OTOP2: variants seen among roughly 807,000 people sequenced by gnomAD.
OTOP2 encodes proton channel OTOP2.
In OTOP2, 41 loss-of-function variants were observed where a neutral mutation model predicts 47.4. The observed-to-expected ratio is 0.87, with a 90% CI of 0.67 to 1.12. The LOEUF (loss-of-function observed/expected upper bound fraction) is 1.12, where lower values mean the gene tolerates loss of function less well. OTOP2 is among the 50% of genes most tolerant of loss of function. The pLI is 0.00. For synonymous variants in OTOP2, 328 were observed against 319.6 expected, an observed-to-expected ratio of 1.03 and a Z score of -0.28; for missense variants, 721 against 752.2, an observed-to-expected ratio of 0.96 and a Z score of 0.49.
chr17:74,925,960 G>A (rs539942431), intron 3 of OTOP2, among the ~76,000 whole-genome samples: 2 of 152,342 alleles, frequency 1.3e-5, no homozygotes, highest in African/African-American at 4.8e-5. Flanking sequence ...CCTAGGAGGT[G>A]TGAGTTGTGC....
chr17:74,927,054 C>T (rs531557363), intron 3 of OTOP2, among the ~76,000 whole-genome samples, 169 bp from the exon 4 acceptor site: 1 of 152,314 alleles, frequency 6.6e-6, no homozygotes, highest in Admixed American at 6.5e-5. Context: ...GGATTACAGG[C>T]GTGAGCCACT....
chr17:74,927,638 T>C (rs376553258), intron 4 of OTOP2, 27 bp from the exon 5 acceptor site: 1 of 1,600,832 alleles, frequency 6.2e-7, no homozygotes, highest in Non-Finnish European at 8.5e-7. Flanking sequence ...CACAGGCCTC[T>C]TTGTCCCCAC....
chr17:74,927,451 T>C (rs1292041476), intron 4 of OTOP2, 170 bp downstream of exon 4: 1 of 1,029,804 alleles, frequency 9.7e-7, no homozygotes, highest in African/African-American at 1.6e-5. Context: ...TGGGGCCCTT[T>C]CTCCCAGGGG....
intron 5 of OTOP2, among the ~76,000 whole-genome samples, chr17:74,929,646 A>G (rs1390972643): frequency 1.3e-5 from 2 of 151,956 alleles, no homozygotes; most frequent in Admixed American, 1.3e-4. Flanking sequence ...GGCTGGCCTC[A>G]AACTCCTGAC....
At position 74,924,880 on chromosome 17, in the gene OTOP2, G is replaced by A. The variant is rs1378042229; in HGVS notation, c.248G>A (p.Arg83Gln). 1.2e-6 allele frequency: 2 copies of A among 1,600,864 alleles called. No homozygotes were observed. Among genetic ancestry groups the A allele is most frequent in the Admixed American group, 1.7e-5 (1 of 57,748 alleles). ...ATLWILFYLLRTVRCPCAVPY... is the reference protein window; with the variant it reads ...ATLWILFYLLQTVRCPCAVPY... The stretch of plus-strand genomic sequence containing the variant: ...CTCTGGATCCTCTTCTACCTCCTCC[G>A]AACCGTGCGCTGCCCCTGCGCGGTA... Residue 83 changes from arginine to glutamine, a missense_variant, in exon 2 of 7, where the codon CGA becomes CAA. Transcript: ENST00000331427. The surrounding 1 kb of genome is among the most constrained non-coding windows in gnomAD (Gnocchi z 7.7).
chr17:74,932,871 C>G (rs557453463), intron 6 of OTOP2, among the ~76,000 whole-genome samples: 1 of 152,240 alleles, frequency 6.6e-6, no homozygotes, highest in African/African-American at 2.4e-5. Context: ...CACTTCCTCC[C>G]ACTCCTGGAA....
Position 74,930,450 on chromosome 17 carries a change from C to G in OTOP2, c.815C>G (p.Thr272Ser). 1 of 1,614,214 alleles carries G rather than the reference C, an allele frequency of 6.2e-7. No individual in the cohort carries two copies. The highest frequency in any genetic ancestry group is 8.5e-7 in the Non-Finnish European group (1 of 1,180,030). ...WKNVGRFLASTPGHSHTPTPV... is the reference protein window; with the variant it reads ...WKNVGRFLASSPGHSHTPTPV... ...AATGTGGGTAGATTCCTGGCCTCCACCCCTGGCCACAGCCACACCCCAACC... is the reference window on the plus strand; with the variant it reads ...AATGTGGGTAGATTCCTGGCCTCCAGCCCTGGCCACAGCCACACCCCAACC... Residue 272 changes from threonine to serine, a missense_variant, in exon 6 of 7, where the codon ACC (threonine) becomes AGC (serine). Coordinates refer to ENST00000331427, the MANE Select transcript of OTOP2 (RefSeq NM_178160.3). This position sits in a 1 kb window ranked among gnomAD's most constrained non-coding sequence, Gnocchi z 4.0.
chr17:74,924,998 C>G lies in OTOP2; in HGVS notation c.313+53C>G. On this transcript the variant is annotated intron_variant, in intron 2 of 6. Transcript: ENST00000331427. The surrounding 1 kb of genome is among the most constrained non-coding windows in gnomAD (Gnocchi z 7.7). Reference sequence around the variant, plus strand: ...GGTGGGCACAACAGGGAGCTGCAGGCTAGGGCTCTCGCAGGAGTTGCAGAG... The same window carrying G: ...GGTGGGCACAACAGGGAGCTGCAGGGTAGGGCTCTCGCAGGAGTTGCAGAG... The G allele has an allele frequency of 6.7e-7, 1 of 1,487,290 alleles. No individual in the cohort carries two copies. 92.1% of individuals were successfully genotyped at this position (1,487,290 alleles called of 1,614,324 possible). A position where few individuals can be genotyped will look rare whatever the true frequency, so the allele number is the denominator to read the frequency against.
rs1245404504 is a variant in OTOP2 at position 74,925,586 on chromosome 17, T to C, written c.344T>C (p.Leu115Pro). The C allele has an allele frequency of 8.1e-6, 13 of 1,614,126 alleles. No homozygotes were observed. Among genetic ancestry groups the C allele is most frequent in the Non-Finnish European group, 1.1e-5 (13 of 1,180,018 alleles). Reference protein sequence around the residue: ...GGLVLFGICTLIMDVFKTGYY... With the variant: ...GGLVLFGICTPIMDVFKTGYY... Reference sequence around the variant, plus strand: ...CTGGTGCTGTTTGGAATCTGCACCCTCATCATGGATGTCTTCAAGACCGGC... The same window carrying C: ...CTGGTGCTGTTTGGAATCTGCACCCCCATCATGGATGTCTTCAAGACCGGC... The change falls in exon 3 of 7, where the codon CTC becomes CCC. Residue 115 changes from leucine to proline, a missense_variant. Transcript: ENST00000331427.
At position 74,930,864 on chromosome 17, in the gene OTOP2, T is replaced by C. The variant is rs2144768393; in HGVS notation, c.1229T>C (p.Met410Thr). 1 of 1,614,076 alleles carries C rather than the reference T, an allele frequency of 6.2e-7. No homozygotes were observed. Among genetic ancestry groups the C allele is most frequent in the Non-Finnish European group, 8.5e-7 (1 of 1,180,020 alleles). The change falls in exon 6 of 7, where the codon ATG (methionine) becomes ACG (threonine). Residue 410 changes from methionine to threonine, a missense_variant. Transcript: ENST00000331427. The surrounding 1 kb of genome is among the most constrained non-coding windows in gnomAD (Gnocchi z 4.0). ...AGLNLTHALL[M>T]IAQHTFQNMF... is the part of the protein sequence containing the mutation. The stretch of plus-strand genomic sequence containing the variant: ...CTCAACCTCACCCATGCACTGCTCA[T>C]GATCGCCCAGCACACCTTCCAGAAC...
intron 5 of OTOP2, 167 bp downstream of exon 5, chr17:74,927,965 G>A: frequency 2.2e-6 from 2 of 916,360 alleles, no homozygotes; most frequent in South Asian, 1.8e-5. Context: ...AGGTGTAGGT[G>A]ACCCCAGAAG....
intron 4 of OTOP2, 62 bp downstream of exon 4, chr17:74,927,343 C>T (rs2039016964): frequency 5.9e-6 from 9 of 1,535,798 alleles, no homozygotes; most frequent in Admixed American, 3.3e-5. Flanking sequence ...AGGAGAGATT[C>T]AGGCTTTCCA....
rs1311774498 is a variant in OTOP2, at chr17:74,930,352, G to T, written c.717G>T (p.Gly239=). 1.9e-6 allele frequency: 3 copies of T among 1,614,130 alleles called. No homozygotes were observed. The highest frequency in any genetic ancestry group is 2.7e-5 in the African/African-American group (2 of 75,008). The part of the protein sequence containing the change: ...STAVCQIFQQ[G]YFYLYPFNIE... The stretch of plus-strand genomic sequence containing the variant: ...CCGTCTGCCAGATCTTCCAGCAGGG[G>T]TACTTCTACCTATATCCCTTCAACA... The change falls in exon 6 of 7, where the codon GGG becomes GGT. Residue 239 remains glycine, a synonymous_variant. Transcript: ENST00000331427. This position sits in a 1 kb window ranked among gnomAD's most constrained non-coding sequence, Gnocchi z 4.0.
In OTOP2 at chr17:74,927,629, A is replaced by G. The variant is rs2039020413; in HGVS notation, c.510-36A>G. On this transcript the variant is annotated intron_variant, in intron 4 of 6. Coordinates refer to ENST00000331427, the MANE Select transcript of OTOP2 (RefSeq NM_178160.3). Reference sequence around the variant, plus strand: ...TTGCTCCCCAACCTGCCAAAGGGTCACAGGCCTCTTTGTCCCCACCCCTGA... The same window carrying G: ...TTGCTCCCCAACCTGCCAAAGGGTCGCAGGCCTCTTTGTCCCCACCCCTGA... The G allele has an allele frequency of 5.0e-6, 8 of 1,595,862 alleles. No individual in the cohort carries two copies. In the East Asian group the frequency reaches 1.8e-4, roughly 36 times the overall value.
chr17:74,932,962 A>G (rs945307396), intron 6 of OTOP2, among the ~76,000 whole-genome samples: 3 of 152,006 alleles, frequency 2.0e-5, no homozygotes, highest in African/African-American at 7.2e-5. Flanking sequence ...CTGAACCCCA[A>G]ACCCCTGCCT....
Position 74,924,695 on chromosome 17 carries a change from G to A in OTOP2, c.63G>A (p.Arg21=). The A allele has an allele frequency of 1.2e-6, 2 of 1,602,874 alleles. No individual in the cohort carries two copies. The highest frequency in any genetic ancestry group is 1.7e-6 in the Non-Finnish European group (2 of 1,176,332). Residue 21 remains arginine, a synonymous_variant, in exon 2 of 7, where the codon AGG becomes AGA. Transcript: ENST00000331427. The surrounding 1 kb of genome is among the most constrained non-coding windows in gnomAD (Gnocchi z 7.7). ...ESPPAPRAGP[R]EVWKKGGRLL... is the part of the protein sequence containing the mutation. Reference sequence around the variant, plus strand: ...CCCCGGCGCCGCGTGCGGGCCCCAGGGAGGTGTGGAAGAAGGGTGGCCGCC... The same window carrying A: ...CCCCGGCGCCGCGTGCGGGCCCCAGAGAGGTGTGGAAGAAGGGTGGCCGCC...
intron 2 of OTOP2, 145 bp downstream of exon 2, chr17:74,925,090 G>A: frequency 2.8e-6 from 3 of 1,077,386 alleles, no homozygotes; most frequent in Middle Eastern, 3.0e-4. Flanking sequence ...GGTGAAGTGG[G>A]CTGCAGTTAG....
rs373803572 is a variant in OTOP2, at chr17:74,924,445, C to G, written c.-34+112C>G. ...TCCCATCCAGCGAGAGGGGCAGGTT[C>G]CGCATTTTCTCTTCCCCTTTCCCAG... is the stretch of plus-strand genomic sequence containing the variant. On this transcript the variant is annotated intron_variant, in intron 1 of 6. Coordinates refer to ENST00000331427, the MANE Select transcript of OTOP2 (RefSeq NM_178160.3). This position sits in a 1 kb window ranked among gnomAD's most constrained non-coding sequence, Gnocchi z 7.7. 1.6e-6 allele frequency: 1 copy of G among 635,966 alleles called. No individual in the cohort carries two copies. Among genetic ancestry groups the G allele is most frequent in the Non-Finnish European group, 2.6e-6 (1 of 388,174 alleles). The allele number at this position is 635,966 out of a possible 1,614,324, so 39.4% of individuals were successfully genotyped here.
intron 5 of OTOP2, among the ~76,000 whole-genome samples, chr17:74,929,460 C>G (rs554382510): frequency 6.6e-6 from 1 of 152,134 alleles, no homozygotes; most frequent in African/African-American, 2.4e-5. Flanking sequence ...GAGTCTTGCT[C>G]TGTCACCCAG....
Sources: allele counts gnomAD v4.1 joint callset (sites outside exome capture counted in the v4.1 genomes callset), GRCh38; gene constraint gnomAD v4.1.1; non-coding constraint Gnocchi (gnomAD v3.1); transcripts MANE v1.5; gene names NCBI Gene and HGNC (gene_info 2026-07-23, HGNC 2026-07-21).